The following ASNS variants were observed in gnomAD, a reference collection of about 807,000 sequenced individuals.
ASNS encodes asparagine synthetase [glutamine-hydrolyzing].
In ASNS, 37 loss-of-function variants were observed where a neutral mutation model predicts 62.6. The ratio of observed to expected loss-of-function variants is 0.59; its 90% CI spans 0.45 to 0.78. ASNS has a LOEUF of 0.78. Ranked by LOEUF, ASNS falls within the 30% of genes least tolerant of loss-of-function variation. The probability of loss-of-function intolerance (pLI) is 0.00; values close to 1 mark genes in which losing one functional copy is unlikely to be tolerated. For synonymous variants in ASNS, 207 were observed against 237.9 expected, an observed-to-expected ratio of 0.87 and a Z score of 1.19; for missense variants, 520 against 682.4, an observed-to-expected ratio of 0.76 and a Z score of 2.65.
At chr7:97,896,731 C>CATATATATATAT in the ASNS span, among the ~76,000 whole-genome samples, 6 of 27,860 alleles carry the variant, frequency 2.2e-4, no homozygotes, top group African/African-American at 5.3e-4. Context: ...CACACACACA[C>CATATATATATAT]ACACACACAC....
rs1190656860 is a variant in ASNS, at chr7:97,864,495, A to G, written c.251T>C (p.Met84Thr). ...YNGEIYNHKK[M>T]QQHFEFEYQT... Reference sequence around the variant, plus strand: ...GTATTCAAATTCAAAATGCTGTTGCATCTTAGGAAGCGAAAGCAAAACCAA... The same window carrying G: ...GTATTCAAATTCAAAATGCTGTTGCGTCTTAGGAAGCGAAAGCAAAACCAA... The change falls in exon 4 of 13, where the codon ATG (methionine) becomes ACG (threonine). Residue 84 changes from methionine (M) to threonine (T), a missense_variant and splice_region_variant. By Grantham distance (81) the Met-to-Thr change is moderately conservative. Coordinates refer to ENST00000394308, the MANE Select transcript of ASNS (RefSeq NM_001673.5). 1 of 1,612,702 alleles carries G rather than the reference A, an allele frequency of 6.2e-7. No individual in the cohort carries two copies. The highest frequency in any genetic ancestry group is 1.1e-5 in the South Asian group (1 of 91,058).
At chr7:97,873,735 G>T (rs1792375713), upstream of ASNS, among the ~76,000 whole-genome samples, 1 of 152,054 alleles carries the variant, frequency 6.6e-6, no homozygotes, top group South Asian at 2.1e-4. Flanking sequence ...ATTTCCCGTA[G>T]CATCTTGCCT....
At chr7:97,903,705 G>C in the ASNS span, among the ~76,000 whole-genome samples, 147,705 of 152,334 alleles carry the variant, frequency 0.97, 71,635 homozygotes, top group East Asian at 1. Context: ...GCTCTACCTC[G>C]TGAGCTACAC....
At chr7:97,862,708 C>T (rs1791781596) in intron 4 of ASNS, among the ~76,000 whole-genome samples, 1 of 151,476 alleles carries the variant, frequency 6.6e-6, no homozygotes, top group African/African-American at 2.4e-5. Context: ...GGCAGGGGCA[C>T]TGTAGGGGGA....
the ASNS span, among the ~76,000 whole-genome samples, chr7:97,905,230 C>T: frequency 6.6e-6 from 1 of 152,194 alleles, no homozygotes; most frequent in African/African-American, 2.4e-5. Context: ...CTCATGTTTC[C>T]TTCTTGCTTT....
the ASNS span, among the ~76,000 whole-genome samples, chr7:97,883,682 G>A: frequency 1.3e-5 from 2 of 152,144 alleles, no homozygotes; most frequent in Non-Finnish European, 2.9e-5. Context: ...CCTCTGCTGT[G>A]TCGGTTAACA....
chr7:97,859,444 C>G (rs752428761), intron 4 of ASNS, 46 bp from the exon 5 acceptor site: 1 of 1,514,608 alleles, frequency 6.6e-7, no homozygotes, highest in Non-Finnish European at 8.9e-7. Flanking sequence ...GTAACCCTTC[C>G]CAATAACTTT....
At chr7:97,912,565 CTTTTTTTTTTT>C in the ASNS span, among the ~76,000 whole-genome samples, 36 of 41,488 alleles carry the variant, frequency 8.7e-4, 1 homozygote, top group East Asian at 0.012. Flanking sequence ...GTTAACTTTG[CTTTTTTTTTTT>C]TTTTTTTTTT....
chr7:97,924,840 T>C, the ASNS span, among the ~76,000 whole-genome samples: 1 of 152,232 alleles, frequency 6.6e-6, no homozygotes, highest in Admixed American at 6.5e-5. Context: ...TTGTCTGTGT[T>C]ACAATGCTAT....
chr7:97,898,977 C>G, the ASNS span: 1 of 751,858 alleles, frequency 1.3e-6, no homozygotes. Context: ...GTCCTGGCGA[C>G]CAAGTCTTTC....
At chr7:97,883,583 T>TGGCC in the ASNS span, among the ~76,000 whole-genome samples, 5 of 152,230 alleles carry the variant, frequency 3.3e-5, no homozygotes, top group African/African-American at 1.2e-4. Flanking sequence ...TGTCTTCCCC[T>TGGCC]GGCCCTGTGA....
At position 97,854,512 on chromosome 7, in the gene ASNS, G is replaced by A. The variant is rs564658749; in HGVS notation, c.1238+68C>T. On this transcript the variant is annotated intron_variant, in intron 10 of 12. Coordinates refer to ENST00000394308, the MANE Select transcript of ASNS (RefSeq NM_001673.5). ...GATTTTTATTTTCTCAGGGTATTGA[G>A]CTTTTTGTTTTGTTTTGTTTTTGGT... The A allele has an allele frequency of 2.6e-6, 4 of 1,568,110 alleles. No homozygotes were observed. In the South Asian group the frequency reaches 4.7e-5, roughly 19 times the overall value.
chr7:97,925,857 A>G, the ASNS span, among the ~76,000 whole-genome samples: 1 of 152,176 alleles, frequency 6.6e-6, no homozygotes, highest in Admixed American at 6.5e-5. Context: ...TTGATAACCA[A>G]ATACCTAGGA....
In ASNS at chr7:97,864,312, A is replaced by G; in HGVS notation, c.434T>C (p.Leu145Ser). Reference sequence around the variant, plus strand: ...TCCATCTTCTGTCATTGCTTTAAACAAAGGTCTGACTCCATATGTATCTCT... The same window carrying G: ...TCCATCTTCTGTCATTGCTTTAAACGAAGGTCTGACTCCATATGTATCTCT... ...LGRDTYGVRP[L>S]FKAMTEDGFL... The change falls in exon 4 of 13, where the codon TTG becomes TCG. Residue 145 changes from leucine to serine, a missense_variant. Coordinates refer to ENST00000394308, the MANE Select transcript of ASNS (RefSeq NM_001673.5). 1 of 1,613,776 alleles carries G rather than the reference A, an allele frequency of 6.2e-7. No homozygotes were observed. Among genetic ancestry groups the G allele is most frequent in the African/African-American group, 1.3e-5 (1 of 75,040 alleles).
rs1791204440 is a variant in ASNS, at chr7:97,852,110, A to C, written c.*149T>G. 3 of 826,006 alleles carry C rather than the reference A, an allele frequency of 3.6e-6. No individual in the cohort carries two copies. Among genetic ancestry groups the C allele is most frequent in the African/African-American group, 3.4e-5 (2 of 58,338 alleles). 51.2% of individuals were successfully genotyped at this position (826,006 alleles called of 1,614,324 possible). A position where few individuals can be genotyped will look rare whatever the true frequency, so the allele number is the denominator to read the frequency against. ...TCTTATGAAGAGACTGCATGAACAT[A>C]AATGACTACAGCAATGGTTTAGATT... On this transcript the variant is annotated 3_prime_UTR_variant, in exon 13 of 13. Coordinates refer to ENST00000394308, the MANE Select transcript of ASNS (RefSeq NM_001673.5).
At chr7:97,870,553 A>G (rs1033954838) in intron 1 of ASNS, among the ~76,000 whole-genome samples, 23 of 152,344 alleles carry the variant, frequency 1.5e-4, no homozygotes, top group Admixed American at 1.1e-3. Flanking sequence ...AAATCATCTC[A>G]AGCAATTTGG....
At position 97,869,004 on chromosome 7, in the gene ASNS, C is replaced by A; in HGVS notation, c.153G>T (p.Ala51=). ...TNCCFGFHRL[A]VVDPLFGMQP... is the part of the protein sequence containing the mutation. ...GCATTCCAAACAGCGGGTCAACTAC[C>A]GCCAACCGGTGAAATCCAAAGCAGC... The change falls in exon 3 of 13, where the codon GCG becomes GCT. Residue 51 remains alanine, a synonymous_variant. Transcript: ENST00000394308. The A allele has an allele frequency of 1.2e-6, 2 of 1,614,168 alleles. No individual in the cohort carries two copies. The highest frequency in any genetic ancestry group is 1.1e-5 in the South Asian group (1 of 91,084).
the ASNS span, among the ~76,000 whole-genome samples, chr7:97,894,692 A>G: frequency 6.6e-6 from 1 of 152,132 alleles, no homozygotes; most frequent in African/African-American, 2.4e-5. Flanking sequence ...AGAAAACCTG[A>G]ACTGACCCAA....
At chr7:97,881,651 C>T in the ASNS span, among the ~76,000 whole-genome samples, 1 of 152,156 alleles carries the variant, frequency 6.6e-6, no homozygotes, top group African/African-American at 2.4e-5. Flanking sequence ...ACCTTGGCAA[C>T]ATCACGCTAA....
Sources: gnomAD v4.1 joint callset for allele counts (sites outside exome capture counted in the v4.1 genomes callset) on GRCh38, gnomAD v4.1.1 for gene constraint, MANE v1.5 for transcripts, NCBI Gene and HGNC (gene_info 2026-07-23, HGNC 2026-07-21) for gene names.